Variants in PPM1L observed in about 807,000 individuals in gnomAD.
PPM1L encodes the protein protein phosphatase, Mg2+/Mn2+ dependent 1L.
A neutral mutation model predicts 31.4 loss-of-function variants in PPM1L; 13 were observed. The observed-to-expected ratio is 0.41, with a 90% CI of 0.27 to 0.66. The LOEUF is 0.66. Ranked by LOEUF, PPM1L falls within the 30% of genes least tolerant of loss-of-function variation. PPM1L has a pLI of 0.29. For synonymous variants in PPM1L, 184 were observed against 175.4 expected (o/e 1.05, Z -0.39); for missense variants, 326 against 453.7 (o/e 0.72, Z 2.56).
intron 2 of PPM1L, among the ~76,000 whole-genome samples, chr3:161,061,019 A>C (rs1243457954): frequency 1.3e-5 from 2 of 152,036 alleles, no homozygotes; most frequent in Non-Finnish European, 2.9e-5. Flanking sequence ...CTTGGGCATA[A>C]TGTCTTTTCT....
In PPM1L at chr3:160,850,884, TG is replaced by T. The variant is rs397991501; in HGVS notation, c.399+94187del. 1.8e-3 allele frequency among the ~76,000 whole-genome samples: 249 copies of T among 137,514 alleles called. 2 individuals are homozygous for T. The highest frequency in any genetic ancestry group is 0.016 in the East Asian group (67 of 4,270). 90.2% of individuals were successfully genotyped at this position (137,514 alleles called of 152,430 possible). On this transcript the variant is annotated intron_variant, in intron 1 of 3. Transcript: ENST00000498165. ...ATTGCTTCTTACTCTTTTTTTTTGG[TG>T]GGGGGGGGGTCATTATTGTTTTTCT...
intron 2 of PPM1L, among the ~76,000 whole-genome samples, chr3:161,056,811 T>C (rs1041603313): frequency 1.1e-4 from 17 of 152,058 alleles, no homozygotes; most frequent in Non-Finnish European, 2.2e-4. Context: ...CCTGTAATCC[T>C]AGTACTTTGG....
chr3:160,890,276 A>G (rs557450756), intron 1 of PPM1L, among the ~76,000 whole-genome samples: 71 of 152,348 alleles, frequency 4.7e-4, no homozygotes, highest in African/African-American at 1.6e-3. Context: ...CCTTTAGCTT[A>G]TACGCAACTT....
rs545641936 is a variant in PPM1L, at chr3:160,814,511, A to G, written c.399+57804A>G. On this transcript the variant is annotated intron_variant, in intron 1 of 3. Coordinates refer to ENST00000498165, the MANE Select transcript of PPM1L (RefSeq NM_139245.4). ...CACACACACACATATATGTATGTGTATATATATACACACACATATGTATGT... is the reference window on the plus strand; with the variant it reads ...CACACACACACATATATGTATGTGTGTATATATACACACACATATGTATGT... Among the ~76,000 whole-genome samples the G allele has an allele frequency of 5.9e-4, 69 of 116,360 alleles. 3 individuals are homozygous for G. In the South Asian group the frequency reaches 0.019, roughly 33 times the overall value. 76.3% of individuals were successfully genotyped at this position (116,360 alleles called of 152,430 possible). A position where few individuals can be genotyped will look rare whatever the true frequency, so the allele number is the denominator to read the frequency against.
At chr3:160,785,988 A>G (rs1234914239) in intron 1 of PPM1L, among the ~76,000 whole-genome samples, 1 of 151,188 alleles carries the variant, frequency 6.6e-6, no homozygotes, top group African/African-American at 2.4e-5. Flanking sequence ...ATATCTATAA[A>G]AAAAAATCTA....
intron 1 of PPM1L, among the ~76,000 whole-genome samples, chr3:160,787,837 A>G (rs1396741020): frequency 6.6e-6 from 1 of 152,198 alleles, no homozygotes; most frequent in Non-Finnish European, 1.5e-5. Flanking sequence ...TTATCTCAGC[A>G]CCATTTATTG....
At chr3:160,859,532 TTGA>T (rs1220130236) in intron 1 of PPM1L, among the ~76,000 whole-genome samples, 2 of 152,212 alleles carry the variant, frequency 1.3e-5, no homozygotes, top group Non-Finnish European at 2.9e-5. Context: ...GTTCTACATT[TTGA>T]TCTTACTTGT....
chr3:160,804,335 A>T (rs902609057), intron 1 of PPM1L, among the ~76,000 whole-genome samples: 2 of 152,166 alleles, frequency 1.3e-5, no homozygotes, highest in African/African-American at 4.8e-5. Flanking sequence ...GCTTCCAGAG[A>T]TTTAATATTT....
intron 1 of PPM1L, among the ~76,000 whole-genome samples, chr3:160,920,206 C>G (rs554423862): frequency 6.6e-6 from 1 of 152,280 alleles, no homozygotes; most frequent in South Asian, 2.1e-4. Flanking sequence ...TATTCTGAAG[C>G]CAGCCAGTGC....
chr3:161,022,182 TGCAAGTAACA>T (rs1718253084), intron 2 of PPM1L: 1 of 676,872 alleles, frequency 1.5e-6, no homozygotes, highest in African/African-American at 1.8e-5. Flanking sequence ...GCTTGGAGAC[TGCAAGTAACA>T]CCTTAGCTTC....
intron 1 of PPM1L, among the ~76,000 whole-genome samples, chr3:160,806,446 G>T (rs1362817441): frequency 6.6e-6 from 1 of 152,004 alleles, no homozygotes; most frequent in Non-Finnish European, 1.5e-5. Flanking sequence ...TTAGATCTAG[G>T]GTCTGGAGGG....
intron 2 of PPM1L, among the ~76,000 whole-genome samples, chr3:161,057,022 C>T (rs933085110): frequency 1.3e-5 from 2 of 152,016 alleles, no homozygotes; most frequent in Non-Finnish European, 1.5e-5. Flanking sequence ...GAGATCGCGC[C>T]ACTGCACTCC....
chr3:161,007,182 C>T (rs761710476), intron 2 of PPM1L, among the ~76,000 whole-genome samples: 3 of 152,268 alleles, frequency 2.0e-5, no homozygotes, highest in Non-Finnish European at 4.4e-5. Context: ...CATTAAACAA[C>T]AAGTAAACAT....
At chr3:161,058,117 CCT>C (rs1719465514) in intron 2 of PPM1L, among the ~76,000 whole-genome samples, 1 of 29,340 alleles carries the variant, frequency 3.4e-5, no homozygotes, top group Non-Finnish European at 8.2e-5. Context: ...CATTTTCTTT[CCT>C]TTTTTTTTTT....
intron 2 of PPM1L, among the ~76,000 whole-genome samples, chr3:160,976,660 A>G (rs1299787710): frequency 1.3e-5 from 2 of 152,242 alleles, no homozygotes; most frequent in Admixed American, 1.3e-4. Flanking sequence ...GTTTATTTGT[A>G]TAGAGGTGTT....
intron 1 of PPM1L, among the ~76,000 whole-genome samples, chr3:160,868,395 G>A (rs1420376974): frequency 2.0e-5 from 3 of 152,136 alleles, no homozygotes; most frequent in Non-Finnish European, 4.4e-5. Context: ...TCGGTGTCGG[G>A]GGAACTAGAG....
chr3:160,939,833 T>C, intron 1 of PPM1L: 1 of 158,080 alleles, frequency 6.3e-6, no homozygotes, highest in Non-Finnish European at 1.4e-5. Context: ...GCTGAAAAGG[T>C]ACCTGAAAAT....
At chr3:160,937,092 TTG>T (rs1349868421) in intron 1 of PPM1L, among the ~76,000 whole-genome samples, 1 of 152,322 alleles carries the variant, frequency 6.6e-6, no homozygotes, top group African/African-American at 2.4e-5. Context: ...TTCAGTTCAT[TTG>T]TTTTTTACCT....
chr3:161,046,821 A>C (rs2108094460), intron 2 of PPM1L, among the ~76,000 whole-genome samples: 1 of 152,360 alleles, frequency 6.6e-6, no homozygotes, highest in Admixed American at 6.5e-5. Context: ...GCATATAAAC[A>C]GAACCAAAAA....
Sources: gnomAD v4.1 joint callset for allele counts (sites outside exome capture counted in the v4.1 genomes callset) on GRCh38, gnomAD v4.1.1 for gene constraint, MANE v1.5 for transcripts, NCBI Gene and HGNC (gene_info 2026-07-23, HGNC 2026-07-21) for gene names.